Variants in AFG2B observed in about 807,000 individuals in gnomAD.
AFG2B encodes the protein ATPase family gene 2 protein homolog B.
At chr15:45,403,040 G>A in the AFG2B span, 2 of 1,567,196 alleles carry the variant, frequency 1.3e-6, no homozygotes, top group African/African-American at 2.7e-5. Context: ...CCCCTGGGAG[G>A]TCTTTCGGAG....
the AFG2B span, chr15:45,402,759 C>T: frequency 3.2e-6 from 5 of 1,578,106 alleles, no homozygotes; most frequent in Non-Finnish European, 4.3e-6. Context: ...TGCGGCGCGT[C>T]GCCGTGTGGC....
At chr15:45,407,720 GA>G in the AFG2B span, among the ~76,000 whole-genome samples, 1 of 152,094 alleles carries the variant, frequency 6.6e-6, no homozygotes, top group Non-Finnish European at 1.5e-5. Context: ...TTACAAATAA[GA>G]AAAGACAGTT....
the AFG2B span, among the ~76,000 whole-genome samples, chr15:45,406,093 C>T: frequency 2.6e-5 from 4 of 152,096 alleles, no homozygotes; most frequent in Non-Finnish European, 4.4e-5. Context: ...AGAAAATTAA[C>T]GCAGACATAA....
the AFG2B span, chr15:45,417,578 A>G: frequency 1.8e-6 from 1 of 555,174 alleles, no homozygotes; most frequent in Non-Finnish European, 3.1e-6. Context: ...TCACAGAGAA[A>G]CATAAGCCTA....
chr15:45,402,457 G>A, the AFG2B span: 3 of 1,605,936 alleles, frequency 1.9e-6, no homozygotes, highest in Non-Finnish European at 2.5e-6. Flanking sequence ...TCCCTTCCCT[G>A]AAGGGCCGCT....
At chr15:45,405,431 G>A in the AFG2B span, 11 of 1,614,164 alleles carry the variant, frequency 6.8e-6, no homozygotes, top group Admixed American at 1.8e-4. Context: ...AGAAATGACA[G>A]TTGGCTATGT....
chr15:45,413,051 A>G, the AFG2B span, among the ~76,000 whole-genome samples: 1 of 152,210 alleles, frequency 6.6e-6, no homozygotes, highest in South Asian at 2.1e-4. Context: ...ATATGCGCCA[A>G]TATTTTTTAT....
At chr15:45,419,986 T>TCTCCCC in the AFG2B span, among the ~76,000 whole-genome samples, 2 of 49,246 alleles carry the variant, frequency 4.1e-5, no homozygotes, top group Non-Finnish European at 3.6e-5. Context: ...CAAGACTCTG[T>TCTCCCC]CCCCCCCCCC....
At chr15:45,411,942 C>CA in the AFG2B span, among the ~76,000 whole-genome samples, 1 of 151,002 alleles carries the variant, frequency 6.6e-6, no homozygotes, top group African/African-American at 2.4e-5. Context: ...ACTAAAAATG[C>CA]AAAAAATTAG....
At chr15:45,402,876 G>A in the AFG2B span, 1 of 1,598,482 alleles carries the variant, frequency 6.3e-7, no homozygotes, top group Non-Finnish European at 8.5e-7. Context: ...TGGGCCACGT[G>A]GTGGTCGCTC....
At chr15:45,404,542 C>T in the AFG2B span, among the ~76,000 whole-genome samples, 1 of 152,232 alleles carries the variant, frequency 6.6e-6, no homozygotes, top group Admixed American at 6.5e-5. Flanking sequence ...CGCGGTGGCT[C>T]ACGCCTGCAA....
chr15:45,402,511 C>T, the AFG2B span: 6 of 1,607,014 alleles, frequency 3.7e-6, no homozygotes, highest in African/African-American at 8.0e-5. Flanking sequence ...GGGCACCCAG[C>T]GCTGCCGCCT....
At chr15:45,403,631 A>G in the AFG2B span, 8 of 1,386,106 alleles carry the variant, frequency 5.8e-6, no homozygotes, top group Non-Finnish European at 6.8e-6. Context: ...GTGAGGTTGG[A>G]GTTGGGGCTC....
At chr15:45,402,936 G>C in the AFG2B span, 1 of 1,597,966 alleles carries the variant, frequency 6.3e-7, no homozygotes, top group Non-Finnish European at 8.5e-7. Flanking sequence ...TCGGCGGGAC[G>C]CCCAGTCCCG....
chr15:45,421,189 T>C, the AFG2B span: 2 of 1,606,788 alleles, frequency 1.2e-6, no homozygotes, highest in South Asian at 2.2e-5. Context: ...AAGAAGGATT[T>C]TCTAACGTGG....
the AFG2B span, among the ~76,000 whole-genome samples, chr15:45,403,739 TCTGAGAGTCAGGAC>T: frequency 6.6e-6 from 1 of 152,170 alleles, no homozygotes; most frequent in African/African-American, 2.4e-5. Flanking sequence ...TGAGTCAGGA[TCTGAGAGTCAGGAC>T]CTGTTTCCCC....
At chr15:45,414,523 A>G in the AFG2B span, 9 of 1,547,296 alleles carry the variant, frequency 5.8e-6, no homozygotes, top group Admixed American at 7.0e-5. Flanking sequence ...ATGATATGAC[A>G]TTTTATTATT....
the AFG2B span, among the ~76,000 whole-genome samples, chr15:45,404,419 G>A: frequency 1.3e-5 from 2 of 152,066 alleles, no homozygotes; most frequent in African/African-American, 2.4e-5. Context: ...TAGGATTTTC[G>A]TATATTCAGA....
chr15:45,410,327 C>T, the AFG2B span: 3 of 1,591,194 alleles, frequency 1.9e-6, no homozygotes, highest in Admixed American at 3.5e-5. Context: ...AAAAGACCAA[C>T]CTAATTTTTG....
Sources: allele counts gnomAD v4.1 joint callset (sites outside exome capture counted in the v4.1 genomes callset), GRCh38; gene constraint gnomAD v4.1.1; transcripts MANE v1.5; gene names NCBI Gene and HGNC (gene_info 2026-07-23, HGNC 2026-07-21).